Variants in KLHL29 observed in about 807,000 individuals in gnomAD.
KLHL29 encodes the protein kelch like family member 29.
KLHL29 carries 21 observed loss-of-function variants against 80.4 expected under a neutral mutation model. The observed-to-expected ratio is 0.26, with a 90% CI of 0.19 to 0.38. The LOEUF (loss-of-function observed/expected upper bound fraction) is 0.38. Ranked by LOEUF, KLHL29 falls within the 10% of genes least tolerant of loss-of-function variation. KLHL29 has a pLI of 1.00. For synonymous variants in KLHL29, 511 were observed against 526.8 expected (o/e 0.97, Z 0.41); for missense variants, 867 against 1,223.9 (o/e 0.71, Z 4.35).
chr2:23,631,250 C>A (rs1369446872), intron 3 of KLHL29, among the ~76,000 whole-genome samples: 1 of 152,134 alleles, frequency 6.6e-6, no homozygotes, highest in Admixed American at 6.5e-5. Flanking sequence ...TCAGCAGGCT[C>A]GTTTACCCTC....
intron 1 of KLHL29, among the ~76,000 whole-genome samples, chr2:23,396,388 G>A (rs1490835442): frequency 2.6e-5 from 4 of 152,148 alleles, no homozygotes; most frequent in Non-Finnish European, 4.4e-5. Flanking sequence ...TTGAGATTTG[G>A]GTAGCCTATT....
intron 3 of KLHL29, among the ~76,000 whole-genome samples, chr2:23,564,317 AG>A (rs1270317071): frequency 6.6e-6 from 1 of 152,150 alleles, no homozygotes; most frequent in Non-Finnish European, 1.5e-5. Flanking sequence ...GCCACATGAG[AG>A]GAAGGGAACC....
chr2:23,458,557 A>C (rs1451984330), intron 1 of KLHL29, among the ~76,000 whole-genome samples: 1 of 152,168 alleles, frequency 6.6e-6, no homozygotes, highest in African/African-American at 2.4e-5. Flanking sequence ...TTAATCATAT[A>C]ATCACAAACA....
intron 2 of KLHL29, among the ~76,000 whole-genome samples, chr2:23,485,514 C>T (rs2103444822): frequency 6.6e-6 from 1 of 152,324 alleles, no homozygotes; most frequent in South Asian, 2.1e-4. Context: ...AGCCCTCCTT[C>T]CCACTGTTCC....
intron 1 of KLHL29, among the ~76,000 whole-genome samples, 191 bp from the exon 2 acceptor site, chr2:23,475,369 G>A (rs1664601529): frequency 1.1e-5 from 1 of 94,382 alleles, no homozygotes; most frequent in South Asian, 4.2e-4. Context: ...TGCACAGCCT[G>A]TGTGAGATAA....
chr2:23,549,918 C>T (rs571067787), intron 2 of KLHL29, among the ~76,000 whole-genome samples: 132 of 152,346 alleles, frequency 8.7e-4, no homozygotes, highest in Non-Finnish European at 1.5e-3. Flanking sequence ...TAATTAGACA[C>T]TGTCCTAGCT....
chr2:23,634,037 G>T (rs907316551), intron 3 of KLHL29, among the ~76,000 whole-genome samples: 5 of 152,164 alleles, frequency 3.3e-5, no homozygotes, highest in African/African-American at 1.2e-4. Flanking sequence ...CTCCAAGCCT[G>T]TGTGACCCCC....
chr2:23,393,395 C>T (rs1391773445), intron 1 of KLHL29, among the ~76,000 whole-genome samples: 1 of 152,180 alleles, frequency 6.6e-6, no homozygotes, highest in Non-Finnish European at 1.5e-5. Flanking sequence ...AAGACTAATT[C>T]TCTCTTGGAG....
intron 5 of KLHL29, among the ~76,000 whole-genome samples, chr2:23,652,922 A>G (rs1670124665): frequency 6.6e-6 from 1 of 152,104 alleles, no homozygotes; most frequent in African/African-American, 2.4e-5. Flanking sequence ...TCATTCCAGC[A>G]GCTTTTTGCC....
At chr2:23,676,269 G>A (rs1325172469) in intron 5 of KLHL29, among the ~76,000 whole-genome samples, 5 of 152,094 alleles carry the variant, frequency 3.3e-5, no homozygotes, top group East Asian at 1.9e-4. Context: ...TGCAAGCTCC[G>A]CTTCCCGGGT....
intron 1 of KLHL29, among the ~76,000 whole-genome samples, chr2:23,428,412 C>T (rs1346631434): frequency 3.3e-5 from 5 of 152,156 alleles, no homozygotes; most frequent in Admixed American, 6.5e-5. Context: ...TCTATCCCTC[C>T]TTCCTGGCAC....
chr2:23,642,513 A>G lies in KLHL29; in HGVS notation c.603A>G (p.Pro201=). The G allele has an allele frequency of 6.5e-7, 1 of 1,527,276 alleles. No homozygotes were observed. The highest frequency in any genetic ancestry group is 1.2e-5 in the South Asian group (1 of 82,158). 94.6% of individuals were successfully genotyped at this position (1,527,276 alleles called of 1,614,324 possible). A position where few individuals can be genotyped will look rare whatever the true frequency, so the allele number is the denominator to read the frequency against. The change falls in exon 5 of 14, where the codon CCA becomes CCG. Residue 201 remains proline, a synonymous_variant. Coordinates refer to ENST00000486442, the MANE Select transcript of KLHL29 (RefSeq NM_052920.2). ...PHVGPQLPLM[P]GHYSLPQPPS... ...TGGGGCCCCAGCTCCCGCTGATGCC[A>G]GGCCACTACTCGCTCCCTCAGCCGC... is the stretch of plus-strand genomic sequence containing the variant.
chr2:23,481,732 A>G lies in KLHL29; in HGVS notation c.-46+6065A>G, dbSNP rs374732578. The stretch of plus-strand genomic sequence containing the variant: ...GGAGTTCGAGACCAGCCTGACTGAC[A>G]TGGCGAAACGCTGTCTCTACTAGAA... On this transcript the variant is annotated intron_variant, in intron 2 of 13. Coordinates refer to ENST00000486442, the MANE Select transcript of KLHL29 (RefSeq NM_052920.2). Among the ~76,000 whole-genome samples the G allele has an allele frequency of 7.9e-5, 12 of 152,334 alleles. No individual in the cohort carries two copies. The South Asian group carries it at 2.5e-3, about 32-fold the overall frequency.
Position 23,614,554 on chromosome 2 carries a change from G to GACACAA in KLHL29, c.286-24585_286-24584insACACAA, listed in dbSNP as rs1466549763. Reference sequence around the variant, plus strand: ...TATAGAAGATTTGCAAACACAATTAGTAAACATGACAACGGCTTAGAGAAT... The same window carrying GACACAA: ...TATAGAAGATTTGCAAACACAATTAGACACAATAAACATGACAACGGCTTAGAGAAT... On this transcript the variant is annotated intron_variant, in intron 3 of 13. Transcript: ENST00000486442. Among the ~76,000 whole-genome samples the GACACAA allele has an allele frequency of 4.6e-5, 7 of 152,336 alleles. No individual in the cohort carries two copies. In the East Asian group the frequency reaches 1.3e-3, roughly 29 times the overall value.
At chr2:23,552,896 A>C (rs1667166633) in intron 2 of KLHL29, among the ~76,000 whole-genome samples, 1 of 151,390 alleles carries the variant, frequency 6.6e-6, no homozygotes, top group South Asian at 2.1e-4. Flanking sequence ...AGTAGCTGGG[A>C]TTACAGGAGC....
chr2:23,436,573 G>C (rs891447422), intron 1 of KLHL29, among the ~76,000 whole-genome samples: 1 of 150,982 alleles, frequency 6.6e-6, no homozygotes, highest in Admixed American at 6.6e-5. Flanking sequence ...TCTGCTGGGC[G>C]GCTCTTGTCG....
intron 3 of KLHL29, among the ~76,000 whole-genome samples, chr2:23,611,269 A>G (rs575095448): frequency 6.6e-6 from 1 of 152,196 alleles, no homozygotes; most frequent in Non-Finnish European, 1.5e-5. Flanking sequence ...AGTATTTGGC[A>G]GTTCTTAAGA....
In KLHL29 at chr2:23,680,155, G is replaced by C. The variant is rs943569635; in HGVS notation, c.941-4244G>C. Among the ~76,000 whole-genome samples the C allele has an allele frequency of 6.6e-6, 1 of 152,184 alleles. No individual in the cohort carries two copies. The highest frequency in any genetic ancestry group is 1.5e-5 in the Non-Finnish European group (1 of 68,030). On this transcript the variant is annotated intron_variant, in intron 5 of 13. Transcript: ENST00000486442. This position sits in a 1 kb window ranked among gnomAD's most constrained non-coding sequence, Gnocchi z 4.1. ...GGCTGTTGCAGTGACTCAAGTGAAA[G>C]ATGAGGGCAGCTCACTCAGGGTGCT...
intron 2 of KLHL29, among the ~76,000 whole-genome samples, chr2:23,523,678 A>G (rs1666183448): frequency 6.6e-6 from 1 of 152,184 alleles, no homozygotes; most frequent in Non-Finnish European, 1.5e-5. Flanking sequence ...TTCAACAAAC[A>G]TTGAGGAAGT....
Sources: allele counts gnomAD v4.1 joint callset (sites outside exome capture counted in the v4.1 genomes callset), GRCh38; gene constraint gnomAD v4.1.1; non-coding constraint Gnocchi (gnomAD v3.1); transcripts MANE v1.5; gene names NCBI Gene and HGNC (gene_info 2026-07-23, HGNC 2026-07-21).